ADGRF1: variants seen among roughly 807,000 people sequenced by gnomAD.
ADGRF1 encodes G protein-coupled receptor 110.
A neutral mutation model predicts 87.2 loss-of-function variants in ADGRF1; 85 were observed. That is an observed-to-expected ratio of 0.97 (90% CI 0.82 to 1.17). ADGRF1 has a LOEUF of 1.17. Ranked by LOEUF, ADGRF1 falls within the 50% of genes most tolerant of loss-of-function variation. The probability of loss-of-function intolerance (pLI) is 0.00; values close to 1 mark genes in which losing one functional copy is unlikely to be tolerated. For synonymous variants in ADGRF1, 430 were observed against 408.8 expected, an observed-to-expected ratio of 1.05 and a Z score of -0.63; for missense variants, 1,169 against 1,077.2, an observed-to-expected ratio of 1.09 and a Z score of -1.19.
At position 47,005,895 on chromosome 6, in the gene ADGRF1, A is replaced by G; in HGVS notation, c.2533-19T>C. On this transcript the variant is annotated intron_variant, in intron 12 of 14. Coordinates refer to ENST00000371253, the MANE Select transcript of ADGRF1 (RefSeq NM_153840.4). Reference sequence around the variant, plus strand: ...GTCGCAGCTATAAGGGCAACAAAGAAATATTGAGGAGATACACATACAATC... The same window carrying G: ...GTCGCAGCTATAAGGGCAACAAAGAGATATTGAGGAGATACACATACAATC... 1 of 1,575,554 alleles carries G rather than the reference A, an allele frequency of 6.3e-7. No homozygotes were observed. Among genetic ancestry groups the G allele is most frequent in the Non-Finnish European group, 8.7e-7 (1 of 1,147,424 alleles).
chr6:47,019,900 T>C (rs1205851572), intron 7 of ADGRF1: 8 of 985,088 alleles, frequency 8.1e-6, no homozygotes, highest in Non-Finnish European at 7.2e-6. Flanking sequence ...TTACTAAATA[T>C]TTCTTTATTT....
rs45626237 is a variant in ADGRF1, at chr6:47,010,107, C to T, written c.1328G>A (p.Arg443Lys). ...GIPVNKSQLK[R>K]GYSYQIKMCP... ...CATTTTAATCTGATAGCTGTAACCC[C>T]TTTTGAGTTGGCTTTTGTTCACTGG... The change falls in exon 11 of 15, where the codon AGG (arginine) becomes AAG (lysine). Residue 443 changes from arginine to lysine, a missense_variant. Transcript: ENST00000371253. The T allele has an allele frequency of 6.2e-7, 1 of 1,614,008 alleles. No homozygotes were observed. The highest frequency in any genetic ancestry group is 8.5e-7 in the Non-Finnish European group (1 of 1,180,028).
At chr6:47,018,635 G>A in intron 7 of ADGRF1, 1 of 1,284,472 alleles carries the variant, frequency 7.8e-7, no homozygotes, top group Non-Finnish European at 1.0e-6. Flanking sequence ...TTTTAATCTG[G>A]GCATGGTGAC....
At chr6:47,027,869 C>G (rs566626593) in intron 2 of ADGRF1, 108 bp from the exon 3 acceptor site, 1 of 771,530 alleles carries the variant, frequency 1.3e-6, no homozygotes, top group African/African-American at 1.7e-5. Context: ...AAAATCCAAG[C>G]CAGGGATGGT....
chr6:47,036,216 G>A lies in ADGRF1; in HGVS notation c.-44+5975C>T, dbSNP rs115868220. The stretch of plus-strand genomic sequence containing the variant: ...CTGCACTCCAGCCTGGGAGAGAGAG[G>A]GAGACCCTGTCTCAAAAACAGAACA... On this transcript the variant is annotated intron_variant, in intron 1 of 14. Transcript: ENST00000371253. 2.2e-3 allele frequency among the ~76,000 whole-genome samples: 336 copies of A among 152,004 alleles called. 1 individual carries two copies. The highest frequency in any genetic ancestry group is 7.8e-3 in the African/African-American group (323 of 41,446).
At chr6:47,024,422 C>A in intron 4 of ADGRF1, 2 of 459,590 alleles carry the variant, frequency 4.4e-6, no homozygotes, top group South Asian at 3.3e-5. Flanking sequence ...TCAGGTGAAT[C>A]TTGTGCGTCA....
intron 7 of ADGRF1, chr6:47,018,221 G>T: frequency 4.9e-6 from 2 of 405,624 alleles, no homozygotes; most frequent in Non-Finnish European, 8.3e-6. Flanking sequence ...GAATCCATCA[G>T]CATACAGATG....
chr6:47,012,951 T>C (rs1343659078), intron 9 of ADGRF1: 1 of 609,194 alleles, frequency 1.6e-6, no homozygotes, highest in African/African-American at 2.0e-5. Flanking sequence ...TTTTGTATCC[T>C]TAGTAGAAAC....
intron 7 of ADGRF1, 58 bp from the exon 8 acceptor site, chr6:47,016,826 C>T (rs1311115562): frequency 2.0e-6 from 3 of 1,509,838 alleles, no homozygotes; most frequent in East Asian, 2.3e-5. Context: ...TCATTCACTC[C>T]CGGCCTATGC....
intron 1 of ADGRF1, among the ~76,000 whole-genome samples, chr6:47,039,182 AT>A (rs1387785945): frequency 2.0e-5 from 3 of 152,184 alleles, no homozygotes; most frequent in African/African-American, 7.2e-5. Flanking sequence ...AAGTCTTTAG[AT>A]TTGTGGACCT....
Position 47,020,713 on chromosome 6 carries a change from G to A in ADGRF1, c.611+18C>T, listed in dbSNP as rs369928803. The A allele has an allele frequency of 5.6e-6, 9 of 1,612,050 alleles. No individual in the cohort carries two copies. The highest frequency in any genetic ancestry group is 7.6e-6 in the Non-Finnish European group (9 of 1,178,250). On this transcript the variant is annotated intron_variant, in intron 7 of 14. Coordinates refer to ENST00000371253, the MANE Select transcript of ADGRF1 (RefSeq NM_153840.4). ...CCCAATTCTGGGGATGCCCTTCTAA[G>A]ACCATTGTGTTACTTACCGAAATTG...
chr6:47,009,726 GAGA>G lies in ADGRF1; in HGVS notation c.1706_1708del (p.Phe569del). ...GGGGACAAAAGGTGACATCAATATG[GAGA>G]AGGAGGTCAAGTGAGTACATTGGCA... On this transcript the variant is annotated inframe_deletion, in exon 11 of 15. Transcript: ENST00000371253. 6 of 1,614,216 alleles carry G rather than the reference GAGA, an allele frequency of 3.7e-6. No individual in the cohort carries two copies. The highest frequency in any genetic ancestry group is 1.3e-5 in the African/African-American group (1 of 75,068).
chr6:47,027,807 G>T, intron 2 of ADGRF1, 46 bp from the exon 3 acceptor site: 1 of 1,134,076 alleles, frequency 8.8e-7, no homozygotes. Context: ...TTGAAGAGTT[G>T]TGCTTCATAA....
At chr6:47,020,144 G>T in intron 7 of ADGRF1, 1 of 1,086,852 alleles carries the variant, frequency 9.2e-7, no homozygotes, top group East Asian at 5.9e-5. Context: ...CTGCCCTACT[G>T]CTATTGTTTT....
chr6:47,018,475 A>G (rs577852286), intron 7 of ADGRF1: 18 of 1,289,824 alleles, frequency 1.4e-5, no homozygotes, highest in Admixed American at 2.3e-5. Context: ...TGATGGTCAC[A>G]ATACCTTTGT....
intron 5 of ADGRF1, among the ~76,000 whole-genome samples, chr6:47,023,206 A>C (rs1324183235): frequency 6.6e-6 from 1 of 152,170 alleles, no homozygotes; most frequent in Non-Finnish European, 1.5e-5. Context: ...TAGTCTCCTA[A>C]TTCATAGACA....
chr6:47,016,925 T>A (rs1054589312), intron 7 of ADGRF1, 157 bp from the exon 8 acceptor site: 2 of 898,034 alleles, frequency 2.2e-6, no homozygotes, highest in African/African-American at 3.5e-5. Context: ...AAAACAAGTA[T>A]CCACCAAAAA....
At chr6:47,036,283 G>A (rs1780586708) in intron 1 of ADGRF1, among the ~76,000 whole-genome samples, 1 of 151,892 alleles carries the variant, frequency 6.6e-6, no homozygotes, top group African/African-American at 2.4e-5. Context: ...CTACTTATTG[G>A]GTACTATGCT....
At chr6:47,020,689 C>T in intron 7 of ADGRF1, 42 bp downstream of exon 7, 1 of 1,605,432 alleles carries the variant, frequency 6.2e-7, no homozygotes, top group African/African-American at 1.3e-5. Context: ...GAACTGGTGC[C>T]CAATTCTGGG....
Sources: allele counts gnomAD v4.1 joint callset (sites outside exome capture counted in the v4.1 genomes callset), GRCh38; gene constraint gnomAD v4.1.1; transcripts MANE v1.5; gene names NCBI Gene and HGNC (gene_info 2026-07-23, HGNC 2026-07-21).